Variants in ATP8B4 observed in about 807,000 individuals in gnomAD.
ATP8B4 encodes probable phospholipid-transporting ATPase IM.
Under a neutral mutation model 145.6 loss-of-function variants are expected in ATP8B4, and 133 were observed. That is an observed-to-expected ratio of 0.91 (90% confidence interval 0.79 to 1.05). The LOEUF is 1.05. Among genes scored for constraint, ATP8B4 ranks in the 50% least tolerant of loss-of-function variants. ATP8B4 has a pLI of 0.00. For missense variants in ATP8B4, 1,458 were observed against 1,425.2 expected (o/e 1.02, Z -0.37); for synonymous variants, 507 against 492.9 (o/e 1.03, Z -0.38).
At chr15:50,019,561 A>G (rs2049365759) in intron 6 of ATP8B4, among the ~76,000 whole-genome samples, 5 of 152,314 alleles carry the variant, frequency 3.3e-5, no homozygotes, top group Admixed American at 2.0e-4. Context: ...GAAGCACCTC[A>G]TTATAAGGAT....
chr15:49,909,777 C>T (rs2039042317), intron 20 of ATP8B4, among the ~76,000 whole-genome samples: 1 of 136,900 alleles, frequency 7.3e-6, no homozygotes, highest in Admixed American at 7.2e-5. Context: ...GGAGACTATA[C>T]TACTGCACAC....
intron 1 of ATP8B4, among the ~76,000 whole-genome samples, chr15:50,166,008 C>CACACACA (rs59587584): frequency 2.0e-4 from 30 of 146,826 alleles, no homozygotes; most frequent in South Asian, 4.3e-4. Context: ...CACACACACA[C>CACACACA]CTCATCTAAC....
At chr15:50,173,713 T>TA (rs1567419170) in intron 1 of ATP8B4, among the ~76,000 whole-genome samples, 182 of 149,850 alleles carry the variant, frequency 1.2e-3, no homozygotes, top group African/African-American at 4.3e-3. Context: ...CTAAAAAAAT[T>TA]TAAAAAAAAA....
At chr15:50,154,141 C>T (rs8034200) in intron 1 of ATP8B4, among the ~76,000 whole-genome samples, 35,786 of 152,128 alleles carry the variant, frequency 0.24, 4,684 homozygotes, top group Non-Finnish European at 0.3. Context: ...TAACAACATG[C>T]TGAAACTTTC....
chr15:49,876,560 A>C (rs1598842151), intron 24 of ATP8B4, 37 bp from the exon 25 acceptor site: 1 of 1,612,762 alleles, frequency 6.2e-7, no homozygotes, highest in East Asian at 2.2e-5. Context: ...AGAAGGATTA[A>C]AAAGAGTCAG....
intron 1 of ATP8B4, among the ~76,000 whole-genome samples, chr15:50,164,652 C>T (rs1294266267): frequency 1.3e-5 from 2 of 152,216 alleles, no homozygotes; most frequent in Non-Finnish European, 2.9e-5. Context: ...TGGCTCTAAG[C>T]CCAGGACAGT....
intron 14 of ATP8B4, among the ~76,000 whole-genome samples, chr15:49,936,182 C>A (rs551218003): frequency 6.6e-6 from 1 of 152,210 alleles, no homozygotes; most frequent in Admixed American, 6.5e-5. Context: ...TATGGGCCTT[C>A]GTGGTGTCAC....
chr15:49,865,618 G>A (rs1457813380), intron 26 of ATP8B4, among the ~76,000 whole-genome samples: 1 of 152,224 alleles, frequency 6.6e-6, no homozygotes, highest in African/African-American at 2.4e-5. Flanking sequence ...AGAACATCCA[G>A]CTGGGGTCCT....
chr15:49,932,255 T>G (rs923010711), intron 15 of ATP8B4, among the ~76,000 whole-genome samples: 1 of 151,892 alleles, frequency 6.6e-6, no homozygotes, highest in Admixed American at 6.6e-5. Context: ...TTCTTGAATA[T>G]ATGTATATAT....
At chr15:50,120,386 A>T (rs542871014), upstream of ATP8B4, among the ~76,000 whole-genome samples, 1 of 152,354 alleles carries the variant, frequency 6.6e-6, no homozygotes, top group South Asian at 2.1e-4. Context: ...AATATTTAAA[A>T]TAAAAAACAC....
intron 16 of ATP8B4, among the ~76,000 whole-genome samples, chr15:49,926,922 T>G (rs1335468249): frequency 6.6e-6 from 1 of 152,210 alleles, no homozygotes; most frequent in Non-Finnish European, 1.5e-5. Flanking sequence ...CAGTGTGATT[T>G]GTACTTTGAT....
chr15:50,172,367 C>T (rs1441490758), intron 1 of ATP8B4, among the ~76,000 whole-genome samples: 1 of 152,278 alleles, frequency 6.6e-6, no homozygotes, highest in African/African-American at 2.4e-5. Flanking sequence ...TGGTCTCCAG[C>T]TCCTGACCGC....
intron 9 of ATP8B4, among the ~76,000 whole-genome samples, chr15:49,993,828 A>G (rs898165565): frequency 1.4e-4 from 22 of 152,128 alleles, no homozygotes; most frequent in Non-Finnish European, 7.4e-5. Context: ...CTGGCATTAC[A>G]TGTTTTCTGA....
rs1027996986 is a variant in ATP8B4, at chr15:49,898,117, A to T, written c.2424T>A (p.Ala808=). Residue 808 remains alanine, a synonymous_variant, in exon 22 of 28, where the codon GCT becomes GCA. Transcript: ENST00000284509. ...CTCCATCACCAATGGCCAAAGTAACAGCATTTCTGTACTTCTTCACCAGCT... is the reference window on the plus strand; with the variant it reads ...CTCCATCACCAATGGCCAAAGTAACTGCATTTCTGTACTTCTTCACCAGCT... ...VVELVKKYRN[A]VTLAIGDGAN... The T allele has an allele frequency of 6.2e-7, 1 of 1,613,828 alleles. No individual in the cohort carries two copies. The highest frequency in any genetic ancestry group is 1.3e-5 in the African/African-American group (1 of 74,912).
chr15:49,862,973 A>G (rs944558128), intron 26 of ATP8B4, among the ~76,000 whole-genome samples: 9 of 152,294 alleles, frequency 5.9e-5, no homozygotes, highest in African/African-American at 2.2e-4. Context: ...CAAAGCAGCC[A>G]TTATTTTTAA....
At chr15:50,016,129 A>G (rs764910311) in intron 6 of ATP8B4, among the ~76,000 whole-genome samples, 1 of 152,228 alleles carries the variant, frequency 6.6e-6, no homozygotes. Context: ...TGAAAACAAA[A>G]TGATCAACTC....
intron 23 of ATP8B4, among the ~76,000 whole-genome samples, chr15:49,881,068 C>T (rs1328282825): frequency 3.3e-5 from 5 of 152,072 alleles, no homozygotes; most frequent in African/African-American, 9.7e-5. Context: ...GCCAAGATCA[C>T]GCCACTGCAC....
At chr15:49,968,861 C>G (rs1406072830) in intron 13 of ATP8B4, among the ~76,000 whole-genome samples, 3 of 152,130 alleles carry the variant, frequency 2.0e-5, no homozygotes, top group African/African-American at 4.8e-5. Context: ...TAAACCTGAC[C>G]ACATAATTGG....
intron 3 of ATP8B4, among the ~76,000 whole-genome samples, chr15:50,065,296 C>A (rs2053304418): frequency 6.6e-6 from 1 of 152,076 alleles, no homozygotes; most frequent in Non-Finnish European, 1.5e-5. Flanking sequence ...GTACTAGTTT[C>A]ATAATAGTGG....
Sources: allele counts gnomAD v4.1 joint callset (sites outside exome capture counted in the v4.1 genomes callset), GRCh38; gene constraint gnomAD v4.1.1; transcripts MANE v1.5; gene names NCBI Gene and HGNC (gene_info 2026-07-23, HGNC 2026-07-21).